ASCC3: variants seen among roughly 807,000 people sequenced by gnomAD.
ASCC3 encodes activating signal cointegrator 1 complex subunit 3, also known as ASC-1 complex subunit P200.
ASCC3 carries 158 observed loss-of-function variants against 256.3 expected under a neutral mutation model. The observed-to-expected ratio is 0.62, with a 90% CI of 0.54 to 0.70. The LOEUF is 0.70. Ranked by LOEUF, ASCC3 falls within the 30% of genes least tolerant of loss-of-function variation. The pLI is 0.00. For missense variants in ASCC3, 2,259 were observed against 2,626.0 expected (o/e 0.86, Z 3.05); for synonymous variants, 948 against 883.4 (o/e 1.07, Z -1.30).
chr6:100,677,731 A>G (rs1355942356), intron 14 of ASCC3, among the ~76,000 whole-genome samples: 1 of 151,924 alleles, frequency 6.6e-6, no homozygotes, highest in Non-Finnish European at 1.5e-5. Context: ...AATGTTCTTA[A>G]TAAATGTGTG....
intron 1 of ASCC3, among the ~76,000 whole-genome samples, chr6:100,873,491 G>C (rs1020976085): frequency 1.2e-4 from 18 of 152,142 alleles, no homozygotes; most frequent in Admixed American, 7.2e-4. Flanking sequence ...AGCCTTGCTA[G>C]AGACCTAGAC....
chr6:100,792,697 A>AT (rs1194349802), intron 8 of ASCC3, among the ~76,000 whole-genome samples: 5 of 151,972 alleles, frequency 3.3e-5, no homozygotes. Flanking sequence ...CTATCTAAGA[A>AT]TTTAATAGTT....
chr6:100,569,700 T>C (rs1333921645), intron 36 of ASCC3, among the ~76,000 whole-genome samples: 1 of 152,160 alleles, frequency 6.6e-6, no homozygotes, highest in Non-Finnish European at 1.5e-5. Flanking sequence ...TTAATATAGT[T>C]TGAAGTCAGG....
At chr6:100,683,092 C>T (rs758486014) in intron 13 of ASCC3, among the ~76,000 whole-genome samples, 1 of 152,132 alleles carries the variant, frequency 6.6e-6, no homozygotes, top group African/African-American at 2.4e-5. Context: ...AAAACCACCA[C>T]TACAAAGATG....
chr6:100,699,186 T>G (rs1195263239), intron 13 of ASCC3, among the ~76,000 whole-genome samples: 1 of 152,220 alleles, frequency 6.6e-6, no homozygotes, highest in Non-Finnish European at 1.5e-5. Flanking sequence ...AATCTCATCT[T>G]GAATCGTAAT....
At chr6:100,582,025 C>T (rs557721941) in intron 36 of ASCC3, among the ~76,000 whole-genome samples, 1 of 152,202 alleles carries the variant, frequency 6.6e-6, no homozygotes, top group East Asian at 1.9e-4. Context: ...AGTGTGATGC[C>T]TCCAGCTTTG....
At chr6:100,823,382 G>A (rs1308606404) in intron 4 of ASCC3, among the ~76,000 whole-genome samples, 1 of 152,092 alleles carries the variant, frequency 6.6e-6, no homozygotes, top group Admixed American at 6.5e-5. Context: ...GTTAGCTGCG[G>A]GTATAGAAAC....
At chr6:100,513,105 T>C (rs982345918) in intron 39 of ASCC3, among the ~76,000 whole-genome samples, 187 bp from the exon 40 acceptor site, 5 of 152,148 alleles carry the variant, frequency 3.3e-5, no homozygotes, top group African/African-American at 1.2e-4. Context: ...CCTCCAAAGG[T>C]AGCATTTTTC....
intron 40 of ASCC3, among the ~76,000 whole-genome samples, chr6:100,511,677 G>A (rs933522144): frequency 1.3e-5 from 2 of 151,998 alleles, no homozygotes; most frequent in Non-Finnish European, 2.9e-5. Context: ...AGGTTGCAGT[G>A]AGCCAAGTCT....
chr6:100,531,789 T>C (rs535842840), intron 37 of ASCC3, among the ~76,000 whole-genome samples: 1 of 152,146 alleles, frequency 6.6e-6, no homozygotes, highest in East Asian at 1.9e-4. Context: ...GGGGAGCTTT[T>C]ATTTAGAAAA....
intron 10 of ASCC3, among the ~76,000 whole-genome samples, chr6:100,737,570 T>C (rs1449407961): frequency 6.6e-6 from 1 of 152,220 alleles, no homozygotes; most frequent in Non-Finnish European, 1.5e-5. Context: ...CATTCCTTTT[T>C]ATGGCTGCAC....
At chr6:100,660,406 A>T (rs1019532453) in intron 16 of ASCC3, among the ~76,000 whole-genome samples, 1 of 151,510 alleles carries the variant, frequency 6.6e-6, no homozygotes, top group African/African-American at 2.4e-5. Flanking sequence ...ATATTAAGAG[A>T]CTTTGTTCTG....
At position 100,535,973 on chromosome 6, in the gene ASCC3, C is replaced by A. The variant is rs181088340; in HGVS notation, c.5775+4190G>T. Among the ~76,000 whole-genome samples, 230 of 152,140 alleles carry A rather than the reference C, an allele frequency of 1.5e-3. 3 individuals are homozygous for A. Among genetic ancestry groups the A allele is most frequent in the African/African-American group, 5.3e-3 (220 of 41,496 alleles). The stretch of plus-strand genomic sequence containing the variant: ...TATAGTGTAGCCATTAGAAATTATT[C>A]TTGAGAACAATATTTAATGCTATAA... On this transcript the variant is annotated intron_variant, in intron 37 of 41. Coordinates refer to ENST00000369162, the MANE Select transcript of ASCC3 (RefSeq NM_006828.4).
At chr6:100,743,908 T>C (rs1780550699) in intron 10 of ASCC3, among the ~76,000 whole-genome samples, 1 of 152,204 alleles carries the variant, frequency 6.6e-6, no homozygotes, top group Non-Finnish European at 1.5e-5. Flanking sequence ...TAGGGATCAA[T>C]TGTGTTTTCT....
rs77165975 is a variant in ASCC3 at position 100,580,537 on chromosome 6, T to C, written c.5550+9097A>G. ...CTTATTGTTTTTGTGCCTACAATCA[T>C]CACAATGCAACATATTCAGAAGACC... On this transcript the variant is annotated intron_variant, in intron 36 of 41. Transcript: ENST00000369162. Among the ~76,000 whole-genome samples the C allele has an allele frequency of 5.1e-4, 78 of 152,076 alleles. No homozygotes were observed. The East Asian group carries it at 0.014, about 27-fold the overall frequency.
At chr6:100,842,770 T>C (rs889979203) in intron 4 of ASCC3, among the ~76,000 whole-genome samples, 3 of 152,086 alleles carry the variant, frequency 2.0e-5, no homozygotes, top group African/African-American at 7.2e-5. Flanking sequence ...CAGGAATTCA[T>C]GACCAGTCAG....
intron 13 of ASCC3, among the ~76,000 whole-genome samples, chr6:100,699,019 C>A (rs1778219736): frequency 2.0e-5 from 3 of 152,134 alleles, no homozygotes; most frequent in African/African-American, 7.2e-5. Context: ...TTTTGATCAA[C>A]ATTGGACAAC....
At position 100,715,442 on chromosome 6, in the gene ASCC3, A is replaced by T; in HGVS notation, c.2151+20T>A. 6.3e-7 allele frequency: 1 copy of T among 1,592,136 alleles called. No homozygotes were observed. The highest frequency in any genetic ancestry group is 8.6e-7 in the Non-Finnish European group (1 of 1,161,306). On this transcript the variant is annotated intron_variant, in intron 13 of 41. Transcript: ENST00000369162. The stretch of plus-strand genomic sequence containing the variant: ...CTAAAAGCAGATAAATAAGTGTAAA[A>T]GCAGATAAAATAAGTGTACCTGGTG...
At chr6:100,670,689 T>C (rs773968522) in intron 14 of ASCC3, among the ~76,000 whole-genome samples, 2 of 150,738 alleles carry the variant, frequency 1.3e-5, no homozygotes, top group Non-Finnish European at 3.0e-5. Context: ...ATGGAACCCA[T>C]GGACATGGAG....
Sources: gnomAD v4.1 joint callset for allele counts (sites outside exome capture counted in the v4.1 genomes callset) on GRCh38, gnomAD v4.1.1 for gene constraint, MANE v1.5 for transcripts, NCBI Gene and HGNC (gene_info 2026-07-23, HGNC 2026-07-21) for gene names.